The following FER variants were observed in gnomAD, a reference collection of about 807,000 sequenced individuals.
FER encodes tyrosine-protein kinase Fer.
In FER, 63 loss-of-function variants were observed where a neutral mutation model predicts 111.0. The observed-to-expected ratio is 0.57, with a 90% CI of 0.46 to 0.70. FER has a LOEUF of 0.70. FER is among the 30% of genes least tolerant of loss of function. FER has a pLI of 0.00. For missense variants in FER, 914 were observed against 954.0 expected (o/e 0.96, Z 0.55); for synonymous variants, 327 against 313.9 (o/e 1.04, Z -0.44).
At chr5:108,891,326 T>TA (rs1290442012) in intron 9 of FER, 1 of 152,142 alleles carries the variant, frequency 6.6e-6, no homozygotes, top group Non-Finnish European at 1.5e-5. Flanking sequence ...CTTTGACACA[T>TA]ATGTCATTTG....
intron 5 of FER, among the ~76,000 whole-genome samples, chr5:108,863,724 T>G (rs1290781148): frequency 2.0e-5 from 3 of 152,184 alleles, no homozygotes; most frequent in Non-Finnish European, 4.4e-5. Context: ...ATTAAAAAAA[T>G]TCAAATAGAT....
At chr5:109,089,809 C>T (rs578046335) in intron 16 of FER, among the ~76,000 whole-genome samples, 1 of 152,166 alleles carries the variant, frequency 6.6e-6, no homozygotes, top group South Asian at 2.1e-4. Context: ...TTTCAGAGAT[C>T]TCCCCAGAGA....
chr5:109,191,145 A>T lies in FER; in HGVS notation c.*3570A>T, dbSNP rs1408082679. 6.6e-6 allele frequency: 1 copy of T among 152,152 alleles called. No individual in the cohort carries two copies. The highest frequency in any genetic ancestry group is 6.6e-5 in the Admixed American group (1 of 15,262). The allele number at this position is 152,152 out of a possible 1,614,324, so 9.4% of individuals were successfully genotyped here. A position where few individuals can be genotyped will look rare whatever the true frequency, so the allele number is the denominator to read the frequency against. ...CCCACTGAGGACCTTGTAGTGGGAT[A>T]AACAAAAATTAAAATGCAACAATCC... On this transcript the variant is annotated 3_prime_UTR_variant, in exon 20 of 20. Transcript: ENST00000281092.
intron 17 of FER, among the ~76,000 whole-genome samples, chr5:109,178,580 A>G (rs141274051): frequency 6.6e-6 from 1 of 152,310 alleles, no homozygotes; most frequent in East Asian, 1.9e-4. Flanking sequence ...TGCATACTAT[A>G]TTGCCATTGT....
chr5:108,815,612 G>A (rs1487295906), intron 3 of FER, among the ~76,000 whole-genome samples: 1 of 152,014 alleles, frequency 6.6e-6, no homozygotes, highest in Non-Finnish European at 1.5e-5. Flanking sequence ...ATATCTGTCT[G>A]CATACAGTCA....
intron 17 of FER, among the ~76,000 whole-genome samples, chr5:109,108,259 A>G (rs970878161): frequency 6.6e-6 from 1 of 152,202 alleles, no homozygotes; most frequent in Non-Finnish European, 1.5e-5. Context: ...AATGTCACAC[A>G]GCTAGTAAGA....
intron 13 of FER, among the ~76,000 whole-genome samples, chr5:108,985,441 TC>T (rs1201706756): frequency 6.6e-6 from 1 of 152,160 alleles, no homozygotes; most frequent in African/African-American, 2.4e-5. Context: ...TTTCTCTCTT[TC>T]TTTTTAAATA....
At chr5:108,896,230 G>A (rs973573697) in intron 9 of FER, among the ~76,000 whole-genome samples, 1 of 151,884 alleles carries the variant, frequency 6.6e-6, no homozygotes. Context: ...TACATAATGG[G>A]TGCAGTCTTT....
At chr5:108,914,746 G>T (rs1752036638) in intron 10 of FER, among the ~76,000 whole-genome samples, 1 of 152,162 alleles carries the variant, frequency 6.6e-6, no homozygotes, top group African/African-American at 2.4e-5. Flanking sequence ...GTGCTGGAAG[G>T]GAAGGTGAGA....
chr5:108,820,938 C>T (rs1201456273), intron 3 of FER, among the ~76,000 whole-genome samples: 3 of 152,110 alleles, frequency 2.0e-5, no homozygotes, highest in African/African-American at 7.2e-5. Context: ...ATGGTGAAAC[C>T]CTGTCTTTAC....
chr5:108,869,819 T>C (rs1311490164), intron 6 of FER, among the ~76,000 whole-genome samples: 2 of 152,142 alleles, frequency 1.3e-5, no homozygotes, highest in East Asian at 1.9e-4. Context: ...TACTTCTCTT[T>C]ATGTGAAAAT....
At chr5:109,017,466 C>T (rs978039884) in intron 13 of FER, among the ~76,000 whole-genome samples, 2 of 151,840 alleles carry the variant, frequency 1.3e-5, no homozygotes, top group Non-Finnish European at 2.9e-5. Flanking sequence ...ACCCAAATGA[C>T]ATAGTAAGAT....
At chr5:108,924,938 T>C in intron 10 of FER, 1 of 566,854 alleles carries the variant, frequency 1.8e-6, no homozygotes, top group Non-Finnish European at 2.6e-6. Context: ...AAAATTCTTT[T>C]GAACAATGCT....
intron 14 of FER, among the ~76,000 whole-genome samples, chr5:109,038,226 CTTAA>C (rs1441620608): frequency 1.3e-5 from 2 of 150,436 alleles, no homozygotes; most frequent in African/African-American, 2.5e-5. Flanking sequence ...TTGTCAGTGA[CTTAA>C]TTAGTGATTA....
In FER at chr5:109,086,866, T is replaced by C. The variant is rs1276397816; in HGVS notation, c.1925-13530T>C. The stretch of plus-strand genomic sequence containing the variant: ...TTTTAGAAGCTACAAATTTAAAATG[T>C]CAGCAGAGTTGGTTTCTTCTGAGGC... On this transcript the variant is annotated intron_variant, in intron 16 of 19. Transcript: ENST00000281092. Among the ~76,000 whole-genome samples the C allele has an allele frequency of 2.6e-5, 4 of 151,072 alleles. No homozygotes were observed. The East Asian group carries it at 5.8e-4, about 22-fold the overall frequency.
intron 17 of FER, among the ~76,000 whole-genome samples, chr5:109,123,901 G>A (rs562056891): frequency 6.6e-6 from 1 of 152,176 alleles, no homozygotes; most frequent in African/African-American, 2.4e-5. Context: ...GTTTACATTT[G>A]TATGTTTACA....
intron 13 of FER, among the ~76,000 whole-genome samples, chr5:109,020,915 GAATGA>G (rs1767838402): frequency 6.6e-6 from 1 of 151,904 alleles, no homozygotes; most frequent in South Asian, 2.1e-4. Context: ...GGTCTGATTT[GAATGA>G]AATGTTTGTT....
chr5:108,753,646 A>G (rs968447192), intron 1 of FER, among the ~76,000 whole-genome samples: 1 of 152,220 alleles, frequency 6.6e-6, no homozygotes, highest in African/African-American at 2.4e-5. Context: ...TAAATTTAAT[A>G]ATACCCTTAT....
chr5:109,046,331 G>A (rs1363826932), intron 15 of FER, among the ~76,000 whole-genome samples: 1 of 152,004 alleles, frequency 6.6e-6, no homozygotes, highest in African/African-American at 2.4e-5. Flanking sequence ...TTAAAATCAA[G>A]TGCGTGTGTT....
Sources: allele counts gnomAD v4.1 joint callset (sites outside exome capture counted in the v4.1 genomes callset), GRCh38; gene constraint gnomAD v4.1.1; transcripts MANE v1.5; gene names NCBI Gene and HGNC (gene_info 2026-07-23, HGNC 2026-07-21).